Variants in SPON1 observed in about 807,000 individuals in gnomAD.
SPON1 encodes the protein spondin-1.
SPON1 carries 52 observed loss-of-function variants against 111.7 expected under a neutral mutation model. The ratio of observed to expected loss-of-function variants is 0.47; its 90% CI spans 0.37 to 0.59. The LOEUF (loss-of-function observed/expected upper bound fraction) is 0.59. Among genes scored for constraint, SPON1 ranks in the 20% least tolerant of loss-of-function variants. The probability of loss-of-function intolerance (pLI) is 0.00; values close to 1 mark genes in which losing one functional copy is unlikely to be tolerated. For synonymous variants in SPON1, 410 were observed against 395.8 expected, an observed-to-expected ratio of 1.04 and a Z score of -0.43; for missense variants, 957 against 1,068.5, an observed-to-expected ratio of 0.90 and a Z score of 1.46.
At position 14,255,650 on chromosome 11, in the gene SPON1, C is replaced by T; in HGVS notation, c.1096C>T (p.Pro366Ser). 6.2e-7 allele frequency: 1 copy of T among 1,613,618 alleles called. No individual in the cohort carries two copies. Among genetic ancestry groups the T allele is most frequent in the South Asian group, 1.1e-5 (1 of 91,008 alleles). The stretch of plus-strand genomic sequence containing the variant: ...ACCTCTGTATGTTTTCTTGCAGTCA[C>T]CCAACAAACCCACCATTCCCCAGGA... Reference protein sequence around the residue: ...GTDSGVTYESPNKPTIPQEKI... With the variant: ...GTDSGVTYESSNKPTIPQEKI... Residue 366 changes from proline to serine, a missense_variant, in exon 9 of 16, where the codon CCC (proline) becomes TCC (serine). This residue lies in a region of SPON1 where 549 missense variants were observed against 606.2 expected (regional missense o/e 0.91). Coordinates refer to ENST00000576479, the MANE Select transcript of SPON1 (RefSeq NM_006108.4).
Position 14,259,588 on chromosome 11 carries a change from C to T in SPON1, c.1718C>T (p.Thr573Ile). ...EWGEWDECSA[T>I]CGMGMKKRHR... Reference sequence around the variant, plus strand: ...GGCGAGTGGGACGAGTGCAGCGCCACCTGCGGCATGGGCATGAAGAAGCGG... The same window carrying T: ...GGCGAGTGGGACGAGTGCAGCGCCATCTGCGGCATGGGCATGAAGAAGCGG... The change falls in exon 13 of 16, where the codon ACC becomes ATC. Residue 573 changes from threonine (T) to isoleucine (I), a missense_variant. Physicochemically the swap from Thr to Ile is moderately conservative, Grantham distance 89 (BLOSUM62 -1). Coordinates refer to ENST00000576479, the MANE Select transcript of SPON1 (RefSeq NM_006108.4). This position sits in a 1 kb window ranked among gnomAD's most constrained non-coding sequence, Gnocchi z 5.0. 1.3e-6 allele frequency: 2 copies of T among 1,555,214 alleles called. No individual in the cohort carries two copies. Among genetic ancestry groups the T allele is most frequent in the South Asian group, 1.2e-5 (1 of 84,228 alleles).
At chr11:14,150,578 A>G (rs1240997473) in intron 6 of SPON1, among the ~76,000 whole-genome samples, 1 of 152,186 alleles carries the variant, frequency 6.6e-6, no homozygotes, top group Non-Finnish European at 1.5e-5. Context: ...AAATATGTAC[A>G]AAACTATGTG....
chr11:14,052,657 A>C (rs1554918738), intron 3 of SPON1, among the ~76,000 whole-genome samples: 1 of 152,188 alleles, frequency 6.6e-6, no homozygotes, highest in Non-Finnish European at 1.5e-5. Flanking sequence ...GAAGACTCAG[A>C]TACCCCAGAA....
intron 6 of SPON1, among the ~76,000 whole-genome samples, chr11:14,187,404 A>G (rs1848296512): frequency 1.3e-5 from 2 of 152,172 alleles, no homozygotes; most frequent in Non-Finnish European, 2.9e-5. Context: ...TAGGCAGATG[A>G]CAAAGCCTCT....
At chr11:13,971,666 A>G (rs1387824422) in intron 1 of SPON1, among the ~76,000 whole-genome samples, 2 of 152,036 alleles carry the variant, frequency 1.3e-5, no homozygotes, top group Admixed American at 6.6e-5. Context: ...CCCTTTTCCT[A>G]TGAGCATGCT....
intron 6 of SPON1, among the ~76,000 whole-genome samples, chr11:14,232,325 G>T (rs1591420432): frequency 6.6e-6 from 1 of 152,138 alleles, no homozygotes; most frequent in Admixed American, 6.5e-5. Context: ...ACAAGGATGG[G>T]TGTGTCTTCT....
At chr11:14,181,653 A>G (rs1210181177) in intron 6 of SPON1, among the ~76,000 whole-genome samples, 1 of 152,212 alleles carries the variant, frequency 6.6e-6, no homozygotes, top group Non-Finnish European at 1.5e-5. Flanking sequence ...TCTTCCATGT[A>G]GAAGCCACCT....
intron 3 of SPON1, among the ~76,000 whole-genome samples, chr11:14,070,314 G>A (rs1313645191): frequency 1.3e-5 from 2 of 152,082 alleles, no homozygotes; most frequent in Admixed American, 1.3e-4. Context: ...TGGGAAGAAG[G>A]CTGGCAAAAA....
intron 2 of SPON1, among the ~76,000 whole-genome samples, chr11:14,028,914 A>AT (rs1848538717): frequency 1.3e-5 from 2 of 152,122 alleles, no homozygotes; most frequent in Admixed American, 1.3e-4. Context: ...CCAGGAGCAC[A>AT]TTTCACCTGG....
At chr11:14,226,221 C>G (rs1848737401) in intron 6 of SPON1, among the ~76,000 whole-genome samples, 1 of 152,192 alleles carries the variant, frequency 6.6e-6, no homozygotes, top group Non-Finnish European at 1.5e-5. Flanking sequence ...GCTCTTCGGA[C>G]TTGAATAGGA....
chr11:14,241,164 G>T (rs2133917379), intron 6 of SPON1, among the ~76,000 whole-genome samples: 1 of 152,302 alleles, frequency 6.6e-6, no homozygotes, highest in South Asian at 2.1e-4. Context: ...CGGAGAAGGA[G>T]ACAGAAGGCA....
At chr11:14,042,781 G>T (rs1371743585) in intron 3 of SPON1, among the ~76,000 whole-genome samples, 3 of 152,136 alleles carry the variant, frequency 2.0e-5, no homozygotes, top group Admixed American at 6.5e-5. Context: ...GCCCACCTAG[G>T]CATCGCAATA....
intron 11 of SPON1, among the ~76,000 whole-genome samples, chr11:14,258,793 C>T (rs561344791): frequency 1.5e-4 from 23 of 152,306 alleles, no homozygotes; most frequent in African/African-American, 5.5e-4. Flanking sequence ...TCCCCGTAGA[C>T]TAAGTCATTC....
intron 6 of SPON1, among the ~76,000 whole-genome samples, chr11:14,165,123 A>G (rs1394929925): frequency 6.6e-6 from 1 of 152,174 alleles, no homozygotes; most frequent in African/African-American, 2.4e-5. Flanking sequence ...AAGGGCTGTT[A>G]CCATCTTCCT....
intron 6 of SPON1, among the ~76,000 whole-genome samples, chr11:14,151,370 T>C (rs1847786309): frequency 4.6e-5 from 7 of 152,184 alleles, no homozygotes. Flanking sequence ...AGTCCTTTCA[T>C]AAATGAACTT....
chr11:14,018,488 G>A (rs1226974135), intron 2 of SPON1, among the ~76,000 whole-genome samples: 1 of 152,210 alleles, frequency 6.6e-6, no homozygotes, highest in Non-Finnish European at 1.5e-5. Flanking sequence ...AGGGGCTGAA[G>A]GAAGGGGCTG....
chr11:14,190,116 T>C (rs1202299353), intron 6 of SPON1, among the ~76,000 whole-genome samples: 1 of 152,162 alleles, frequency 6.6e-6, no homozygotes, highest in Admixed American at 6.6e-5. Context: ...AATTGGGCTT[T>C]TCCTGTCAGC....
chr11:14,184,125 C>G (rs189935063), intron 6 of SPON1, among the ~76,000 whole-genome samples: 135 of 152,286 alleles, frequency 8.9e-4, no homozygotes, highest in Non-Finnish European at 1.0e-3. Context: ...TTTCAACCAG[C>G]CTTAGTCCCT....
chr11:14,208,903 T>C (rs1848543977), intron 6 of SPON1, among the ~76,000 whole-genome samples: 1 of 152,230 alleles, frequency 6.6e-6, no homozygotes, highest in Non-Finnish European at 1.5e-5. Flanking sequence ...ACTGTAGTAC[T>C]AGTCTTCCCC....
Sources: gnomAD v4.1 joint callset for allele counts (sites outside exome capture counted in the v4.1 genomes callset) on GRCh38, gnomAD v4.1.1 for gene constraint, gnomAD v4.1.1 regional missense constraint, Gnocchi (gnomAD v3.1) non-coding constraint, MANE v1.5 for transcripts, NCBI Gene and HGNC (gene_info 2026-07-23, HGNC 2026-07-21) for gene names.